Variants in PPDPFL observed in about 807,000 individuals in gnomAD.
The protein encoded by PPDPFL is pancreatic progenitor cell differentiation and proliferation factor-like protein.
A neutral mutation model predicts 12.6 loss-of-function variants in PPDPFL; 12 were observed. That is an observed-to-expected ratio of 0.95 (90% CI 0.61 to 1.54). PPDPFL has a LOEUF of 1.54. Among genes scored for constraint, PPDPFL ranks in the 40% most tolerant of loss-of-function variants. The pLI, the probability that PPDPFL is intolerant of heterozygous loss-of-function variation, is 0.00. For synonymous variants in PPDPFL, 24 were observed against 32.7 expected, an observed-to-expected ratio of 0.73 and a Z score of 0.91; for missense variants, 114 against 96.0, an observed-to-expected ratio of 1.19 and a Z score of -0.78.
At chr8:49,058,047 T>C (rs1231520413) in intron 1 of PPDPFL, among the ~76,000 whole-genome samples, 1 of 152,108 alleles carries the variant, frequency 6.6e-6, no homozygotes, top group Non-Finnish European at 1.5e-5. Context: ...TTAGACAAAA[T>C]CCAGACTTGA....
At chr8:49,069,402 C>T (rs553873684), upstream of PPDPFL, among the ~76,000 whole-genome samples, 1 of 152,216 alleles carries the variant, frequency 6.6e-6, no homozygotes, top group South Asian at 2.1e-4. Context: ...TAGACTACTT[C>T]AAAAATGAGT....
rs753669373 is a variant in PPDPFL, at chr8:49,074,040, T to C, written c.56-19T>C. Reference sequence around the variant, plus strand: ...GGTTGCCAGTTATTTATTTGTTTAATATCATTTGTTTCCTACAGAGTCCAG... The same window carrying C: ...GGTTGCCAGTTATTTATTTGTTTAACATCATTTGTTTCCTACAGAGTCCAG... On this transcript the variant is annotated intron_variant, in intron 2 of 4. Transcript: ENST00000522267. 32 of 1,556,496 alleles carry C rather than the reference T, an allele frequency of 2.1e-5. No homozygotes were observed. The highest frequency in any genetic ancestry group is 2.8e-5 in the Non-Finnish European group (32 of 1,131,816).
chr8:49,073,987 T>G (rs1050871574), intron 2 of PPDPFL, 72 bp from the exon 3 acceptor site: 2 of 972,412 alleles, frequency 2.1e-6, no homozygotes, highest in African/African-American at 1.6e-5. Context: ...TGACAGTTTG[T>G]ATATAAATGA....
At chr8:49,066,529 G>A (rs1270032474) in intron 1 of PPDPFL, among the ~76,000 whole-genome samples, 3 of 152,122 alleles carry the variant, frequency 2.0e-5, no homozygotes, top group African/African-American at 7.2e-5. Context: ...ACGTAATATG[G>A]GTTGAAAAAC....
intron 1 of PPDPFL, among the ~76,000 whole-genome samples, chr8:49,064,547 C>T (rs1054789511): frequency 9.2e-5 from 14 of 152,136 alleles, no homozygotes; most frequent in African/African-American, 2.4e-4. Flanking sequence ...CTGGCAGTGC[C>T]GCCCAGGTTC....
upstream of PPDPFL, among the ~76,000 whole-genome samples, chr8:49,068,626 T>C (rs926603361): frequency 5.3e-5 from 8 of 152,128 alleles, no homozygotes; most frequent in African/African-American, 1.9e-4. Flanking sequence ...GGTAAATACA[T>C]ATACATACAT....
intron 1 of PPDPFL, among the ~76,000 whole-genome samples, chr8:49,063,595 C>A (rs754593894): frequency 2.7e-4 from 41 of 151,970 alleles, no homozygotes; most frequent in Admixed American, 4.6e-4. Context: ...TGGTGTGCAC[C>A]TGTAGTCCCC....
At chr8:49,074,418 G>T in intron 4 of PPDPFL, 85 bp downstream of exon 4, 1 of 1,570,388 alleles carries the variant, frequency 6.4e-7, no homozygotes. Context: ...TACTCACTTA[G>T]GGTACATAGT....
rs1210718307 is a variant in PPDPFL at position 49,075,981 on chromosome 8, T to A, written c.*808T>A. The A allele has an allele frequency of 6.6e-6, 1 of 152,156 alleles. No individual in the cohort carries two copies. The highest frequency in any genetic ancestry group is 1.9e-4 in the East Asian group (1 of 5,198). 9.4% of individuals were successfully genotyped at this position (152,156 alleles called of 1,614,324 possible). On this transcript the variant is annotated 3_prime_UTR_variant, in exon 5 of 5. Coordinates refer to ENST00000522267, the MANE Select transcript of PPDPFL (RefSeq NM_001256597.2). ...GACAGGGCTATTTCTGGAGATGGGA[T>A]TATGGGCGTTTTTCATTCTCTTTTT...
intron 1 of PPDPFL, among the ~76,000 whole-genome samples, chr8:49,055,085 T>C (rs1012427499): frequency 6.6e-6 from 1 of 152,206 alleles, no homozygotes; most frequent in Admixed American, 6.5e-5. Context: ...CACATTTCTT[T>C]ATACTTTCTA....
intron 1 of PPDPFL, 124 bp downstream of exon 1, chr8:49,072,606 A>T: frequency 2.4e-6 from 1 of 421,268 alleles, no homozygotes; most frequent in South Asian, 3.3e-5. Context: ...TAAATGTACT[A>T]CTTAATTGCA....
At chr8:49,061,271 G>A (rs1808197957) in intron 1 of PPDPFL, among the ~76,000 whole-genome samples, 1 of 152,120 alleles carries the variant, frequency 6.6e-6, no homozygotes, top group Non-Finnish European at 1.5e-5. Flanking sequence ...AATACAACTG[G>A]GGTCCTCATA....
rs529668343 is a variant in PPDPFL, at chr8:49,058,312, A to G, written c.-45+3943A>G. On this transcript the variant is annotated intron_variant, in intron 1 of 4. Coordinates refer to the PPDPFL transcript ENST00000517663. ...GGTACAATATGCACCATATATTACA[A>G]TATGCAGTTCTGGGATTTGTTGTTC... is the stretch of plus-strand genomic sequence containing the variant. Among the ~76,000 whole-genome samples, 411 of 152,324 alleles carry G rather than the reference A, an allele frequency of 2.7e-3. 3 individuals are homozygous for G. The highest frequency in any genetic ancestry group is 9.7e-3 in the African/African-American group (402 of 41,570).
chr8:49,061,121 A>G (rs1808193622), intron 1 of PPDPFL, among the ~76,000 whole-genome samples: 1 of 152,100 alleles, frequency 6.6e-6, no homozygotes, highest in Non-Finnish European at 1.5e-5. Context: ...TGGCAAGCTC[A>G]AGCAGGATGG....
chr8:49,074,137 G>T lies in PPDPFL; in HGVS notation c.133+1G>T, dbSNP rs1263191622. 1 of 1,611,240 alleles carries T rather than the reference G, an allele frequency of 6.2e-7. No homozygotes were observed. Among genetic ancestry groups the T allele is most frequent in the East Asian group, 2.2e-5 (1 of 44,860 alleles). ...ATAGATGACGACAAACCACAGCAAG[G>T]TACTTAGTTATTTCTTTCAGTGTCA... is the stretch of plus-strand genomic sequence containing the variant. On this transcript the variant is annotated splice_donor_variant, in intron 3 of 4. Transcript: ENST00000522267. LOFTEE classifies it high-confidence loss of function.
chr8:49,069,012 G>A (rs1808341175), upstream of PPDPFL, among the ~76,000 whole-genome samples: 4 of 152,078 alleles, frequency 2.6e-5, no homozygotes, highest in East Asian at 5.8e-4. Context: ...GAAAATTAAG[G>A]GATACAAAAA....
intron 1 of PPDPFL, among the ~76,000 whole-genome samples, chr8:49,056,834 G>C (rs200245349): frequency 6.6e-6 from 1 of 152,056 alleles, no homozygotes; most frequent in Non-Finnish European, 1.5e-5. Context: ...TATTTTTTAA[G>C]TCCACAAAAT....
intron 1 of PPDPFL, among the ~76,000 whole-genome samples, chr8:49,059,490 T>C (rs998255287): frequency 6.6e-6 from 1 of 152,244 alleles, no homozygotes; most frequent in African/African-American, 2.4e-5. Context: ...GTGTTATAGA[T>C]GCAAAGGTAG....
At chr8:49,061,839 G>A (rs1808209803) in intron 1 of PPDPFL, among the ~76,000 whole-genome samples, 1 of 152,196 alleles carries the variant, frequency 6.6e-6, no homozygotes, top group African/African-American at 2.4e-5. Context: ...CAAGGGGAAG[G>A]CCTCTCCGGG....
Sources: allele counts gnomAD v4.1 joint callset (sites outside exome capture counted in the v4.1 genomes callset), GRCh38; gene constraint gnomAD v4.1.1; transcripts MANE v1.5; gene names NCBI Gene and HGNC (gene_info 2026-07-23, HGNC 2026-07-21).